TUSC3: variants seen among roughly 807,000 people sequenced by gnomAD.
TUSC3 encodes the protein dolichyl-diphosphooligosaccharide--protein glycosyltransferase subunit TUSC3.
Under a neutral mutation model 44.8 loss-of-function variants are expected in TUSC3, and 45 were observed. The observed-to-expected ratio is 1.00, with a 90% confidence interval of 0.79 to 1.29. The LOEUF is 1.29. Among genes scored for constraint, TUSC3 ranks in the 50% most tolerant of loss-of-function variants. TUSC3 has a pLI of 0.00. For missense variants in TUSC3, 519 were observed against 437.9 expected, an observed-to-expected ratio of 1.19 and a Z score of -1.65; for synonymous variants, 212 against 152.9, an observed-to-expected ratio of 1.39 and a Z score of -2.85.
chr8:15,822,197 G>C, the TUSC3 span, among the ~76,000 whole-genome samples: 1 of 152,116 alleles, frequency 6.6e-6, no homozygotes, highest in South Asian at 2.1e-4. Flanking sequence ...AAAAACGGGT[G>C]AACTGTCAAA....
At chr8:15,671,148 A>G (rs148470690) in intron 5 of TUSC3, among the ~76,000 whole-genome samples, 1,895 of 152,008 alleles carry the variant, frequency 0.012, 21 homozygotes, top group Non-Finnish European at 0.02. Context: ...AAAGCTGAGT[A>G]TTTACATACT....
the TUSC3 span, among the ~76,000 whole-genome samples, chr8:15,804,019 T>A: frequency 4.6e-5 from 7 of 152,336 alleles, no homozygotes; most frequent in East Asian, 1.4e-3. Flanking sequence ...TACGTGTGCA[T>A]GTGTCTTTAT....
intron 1 of TUSC3, among the ~76,000 whole-genome samples, chr8:15,443,692 T>C (rs908674200): frequency 2.6e-5 from 4 of 152,278 alleles, no homozygotes; most frequent in Admixed American, 1.3e-4. Context: ...CTAGACTGCC[T>C]TTGTAGGACT....
intron 2 of TUSC3, among the ~76,000 whole-genome samples, chr8:15,501,736 A>C (rs1409550361): frequency 1.3e-5 from 2 of 152,218 alleles, no homozygotes; most frequent in Non-Finnish European, 2.9e-5. Context: ...AGTGATAGAT[A>C]ACACTTACTG....
intron 1 of TUSC3, among the ~76,000 whole-genome samples, chr8:15,588,054 C>T (rs1803671249): frequency 6.6e-6 from 1 of 152,064 alleles, no homozygotes; most frequent in East Asian, 1.9e-4. Flanking sequence ...ATACTGACTT[C>T]CTTTCCTTTG....
chr8:15,599,417 A>G (rs931643440), intron 1 of TUSC3, among the ~76,000 whole-genome samples: 1 of 151,652 alleles, frequency 6.6e-6, no homozygotes, highest in East Asian at 1.9e-4. Context: ...TGGAGAGCAG[A>G]AGTTTTAAAT....
At chr8:15,672,485 G>A (rs1277790637) in intron 5 of TUSC3, among the ~76,000 whole-genome samples, 1 of 151,992 alleles carries the variant, frequency 6.6e-6, no homozygotes, top group East Asian at 1.9e-4. Flanking sequence ...GAGGCCCAAA[G>A]CAATGGACTT....
At chr8:15,478,912 T>A (rs539158527) in intron 1 of TUSC3, among the ~76,000 whole-genome samples, 17 of 152,298 alleles carry the variant, frequency 1.1e-4, no homozygotes, top group African/African-American at 4.1e-4. Flanking sequence ...TGTAAAAGCA[T>A]TCCTATTTCT....
At chr8:15,784,823 C>A in the TUSC3 span, among the ~76,000 whole-genome samples, 31 of 152,018 alleles carry the variant, frequency 2.0e-4, no homozygotes, top group Non-Finnish European at 3.7e-4. Context: ...AAAGTAAGTT[C>A]TGGTTACCTA....
intron 1 of TUSC3, among the ~76,000 whole-genome samples, chr8:15,455,982 T>A (rs151055041): frequency 0.011 from 1,654 of 152,256 alleles, 27 homozygotes; most frequent in South Asian, 0.047. Context: ...GATTTTTTGC[T>A]TGTCTAATGA....
At chr8:15,739,909 T>G (rs352754) in intron 7 of TUSC3, among the ~76,000 whole-genome samples, 2,369 of 121,952 alleles carry the variant, frequency 0.019, 20 homozygotes, top group Middle Eastern at 0.039. Context: ...TCTCTGGGCT[T>G]CAGTTTCCTT....
intron 2 of TUSC3, among the ~76,000 whole-genome samples, chr8:15,516,716 T>C (rs1385261984): frequency 6.6e-6 from 1 of 152,188 alleles, no homozygotes; most frequent in African/African-American, 2.4e-5. Context: ...AAATTAATCC[T>C]ATGAAATATA....
At chr8:15,655,167 G>A (rs1048545007) in intron 3 of TUSC3, among the ~76,000 whole-genome samples, 3 of 152,106 alleles carry the variant, frequency 2.0e-5, no homozygotes, top group African/African-American at 4.8e-5. Flanking sequence ...AATAATAATT[G>A]GTTGCAGCTG....
intron 7 of TUSC3, among the ~76,000 whole-genome samples, chr8:15,737,203 T>C (rs1464483863): frequency 6.6e-6 from 1 of 151,954 alleles, no homozygotes; most frequent in Non-Finnish European, 1.5e-5. Context: ...ATAGATGCAG[T>C]TGAAAATTTT....
chr8:15,624,374 T>C (rs1050990832), intron 2 of TUSC3, among the ~76,000 whole-genome samples: 1 of 152,214 alleles, frequency 6.6e-6, no homozygotes, highest in Non-Finnish European at 1.5e-5. Flanking sequence ...TTCTATTTAG[T>C]TATATAAGAA....
chr8:15,845,908 T>C, the TUSC3 span, among the ~76,000 whole-genome samples: 456 of 152,290 alleles, frequency 3.0e-3, 3 homozygotes, highest in African/African-American at 0.01. Context: ...AGATGTTTAA[T>C]TGGACTTACA....
intron 6 of TUSC3, among the ~76,000 whole-genome samples, chr8:15,693,736 C>T (rs1809024565): frequency 1.3e-5 from 2 of 152,052 alleles, no homozygotes; most frequent in African/African-American, 4.8e-5. Flanking sequence ...TTCTGAAATA[C>T]ACTTTCGAGG....
intron 10 of TUSC3, among the ~76,000 whole-genome samples, chr8:15,763,990 C>T (rs1344296869): frequency 6.6e-6 from 1 of 152,048 alleles, no homozygotes; most frequent in African/African-American, 2.4e-5. Context: ...TCAGCATCTT[C>T]TCTCACCCTG....
chr8:15,712,760 C>G (rs777879511), intron 6 of TUSC3, among the ~76,000 whole-genome samples: 1 of 152,106 alleles, frequency 6.6e-6, no homozygotes, highest in Non-Finnish European at 1.5e-5. Context: ...CCTAAAGTTT[C>G]TCACCTGCAC....
Sources: gnomAD v4.1 joint callset for allele counts (sites outside exome capture counted in the v4.1 genomes callset) on GRCh38, gnomAD v4.1.1 for gene constraint, MANE v1.5 for transcripts, NCBI Gene and HGNC (gene_info 2026-07-23, HGNC 2026-07-21) for gene names.